The following ENOSF1 variants were observed in gnomAD, a reference collection of about 807,000 sequenced individuals.
The protein encoded by ENOSF1 is enolase superfamily member 1.
A neutral mutation model predicts 68.2 loss-of-function variants in ENOSF1; 73 were observed. The ratio of observed to expected loss-of-function variants is 1.07; its 90% CI spans 0.89 to 1.30. The LOEUF (loss-of-function observed/expected upper bound fraction) is 1.30, where lower values mean the gene tolerates loss of function less well. ENOSF1 is among the 50% of genes most tolerant of loss of function. The pLI is 0.00. For synonymous variants in ENOSF1, 223 were observed against 210.4 expected, an observed-to-expected ratio of 1.06 and a Z score of -0.52; for missense variants, 589 against 554.5, an observed-to-expected ratio of 1.06 and a Z score of -0.62.
At chr18:707,977 A>G (rs1054770976) in intron 1 of ENOSF1, among the ~76,000 whole-genome samples, 1 of 150,788 alleles carries the variant, frequency 6.6e-6, no homozygotes, top group African/African-American at 2.4e-5. Context: ...CTTCTGCCTC[A>G]GCCTCCCAAG....
At chr18:699,478 A>AAATAATAATAATAATAATAAT (rs147506890) in intron 2 of ENOSF1, among the ~76,000 whole-genome samples, 25 of 149,112 alleles carry the variant, frequency 1.7e-4, no homozygotes, top group African/African-American at 6.2e-4. Flanking sequence ...GCCCTGTCTC[A>AAATAATAATAATAATAATAAT]AATAATAATA....
chr18:691,482 A>G (rs1267838952), intron 5 of ENOSF1: 2 of 535,326 alleles, frequency 3.7e-6, no homozygotes, highest in Non-Finnish European at 6.6e-6. Context: ...AGTAGCTGGG[A>G]CTCCAGGTAT....
rs138575804 is a variant in ENOSF1 at position 694,280 on chromosome 18, C to T, written c.364G>A (p.Val122Met). ...HLATAAVLNA[V>M]WDLWAKQEGK... Reference sequence around the variant, plus strand: ...TCCTGCTTGGCCCACAAGTCCCACACCGCGTTTAGGACGGCCGCTGTCGCC... The same window carrying T: ...TCCTGCTTGGCCCACAAGTCCCACATCGCGTTTAGGACGGCCGCTGTCGCC... The change falls in exon 4 of 16, where the codon GTG becomes ATG. Residue 122 changes from valine to methionine, a missense_variant. Transcript: ENST00000647584. The T allele has an allele frequency of 1.9e-5, 31 of 1,614,094 alleles. No homozygotes were observed. In the African/African-American group the frequency reaches 2.8e-4, roughly 15 times the overall value.
chr18:679,818 T>C (rs369204001), intron 11 of ENOSF1, among the ~76,000 whole-genome samples: 2 of 152,152 alleles, frequency 1.3e-5, no homozygotes, highest in African/African-American at 2.4e-5. Flanking sequence ...TCCGCACAGG[T>C]AGCCTTGGTT....
intron 2 of ENOSF1, among the ~76,000 whole-genome samples, chr18:700,384 C>A (rs529868660): frequency 6.6e-6 from 1 of 152,138 alleles, no homozygotes; most frequent in Non-Finnish European, 1.5e-5. Context: ...ACCAAACCAC[C>A]GTCTCAAGGA....
chr18:692,962 C>G (rs2077354012), intron 5 of ENOSF1: 1 of 1,173,540 alleles, frequency 8.5e-7, no homozygotes, highest in Non-Finnish European at 1.1e-6. Context: ...CAACTAATAA[C>G]AAGGGCCTTC....
chr18:684,148 C>T (rs1403799480), intron 10 of ENOSF1, among the ~76,000 whole-genome samples: 3 of 151,872 alleles, frequency 2.0e-5, no homozygotes, highest in Non-Finnish European at 4.4e-5. Flanking sequence ...CGCCCACCAC[C>T]ACACCAGGCT....
At chr18:666,975 AGATGGAGATGGT>A (rs2074842444), downstream of ENOSF1, among the ~76,000 whole-genome samples, 10 of 15,002 alleles carry the variant, frequency 6.7e-4, no homozygotes, top group East Asian at 3.8e-3. Context: ...ATGGTGATGG[AGATGGAGATGGT>A]GATGGTGATG....
chr18:679,947 G>GATT (rs375384961), intron 11 of ENOSF1, among the ~76,000 whole-genome samples: 175 of 152,222 alleles, frequency 1.1e-3, no homozygotes, highest in African/African-American at 4.1e-3. Context: ...ATGATTCCTG[G>GATT]TCTCAATCCA....
In ENOSF1 at chr18:709,571, G is replaced by T. The variant is rs191537767; in HGVS notation, c.84+2933C>A. On this transcript the variant is annotated intron_variant, in intron 1 of 15. Transcript: ENST00000647584. ...GGATCACCTGAGCTCAGGAGTTCGA[G>T]ACCAGCCTGGACAACATGGTGAAAC... 7.7e-4 allele frequency among the ~76,000 whole-genome samples: 117 copies of T among 152,256 alleles called. 1 individual carries two copies. Among genetic ancestry groups the T allele is most frequent in the African/African-American group, 2.7e-3 (113 of 41,552 alleles).
chr18:678,230 A>C (rs2075710208), intron 12 of ENOSF1: 1 of 296,934 alleles, frequency 3.4e-6, no homozygotes, highest in Admixed American at 4.9e-5. Context: ...GACAACACGG[A>C]ACCACGGCAG....
At position 673,468 on chromosome 18, in the gene ENOSF1, T is replaced by G; in HGVS notation, c.*837A>C. On this transcript the variant is annotated 3_prime_UTR_variant, in exon 16 of 16. Transcript: ENST00000647584. ...TTTAAAGTTATAGTTGTTTTATATG[T>G]TGCTATAATAAAGAAGTGTTCTGCA... 1 of 213,766 alleles carries G rather than the reference T, an allele frequency of 4.7e-6. No homozygotes were observed. Among genetic ancestry groups the G allele is most frequent in the Non-Finnish European group, 9.4e-6 (1 of 106,098 alleles). 13.2% of individuals were successfully genotyped at this position (213,766 alleles called of 1,614,324 possible).
intron 8 of ENOSF1, among the ~76,000 whole-genome samples, chr18:690,047 G>T (rs1568070704): frequency 6.6e-6 from 1 of 152,104 alleles, no homozygotes; most frequent in East Asian, 1.9e-4. Flanking sequence ...GGCTCACCTG[G>T]AGGGGACATG....
intron 2 of ENOSF1, among the ~76,000 whole-genome samples, chr18:704,455 A>AAAG (rs1369814333): frequency 1.3e-5 from 2 of 151,148 alleles, no homozygotes; most frequent in African/African-American, 4.9e-5. Context: ...AAAAAAAAAA[A>AAAG]AAGAACAGCC....
At chr18:706,653 A>G (rs2078963550) in intron 1 of ENOSF1, 75 bp from the exon 2 acceptor site, 2 of 1,115,168 alleles carry the variant, frequency 1.8e-6, no homozygotes, top group East Asian at 2.4e-5. Flanking sequence ...ATGATGTCAC[A>G]TGAGGACAGA....
chr18:712,285 G>A, intron 1 of ENOSF1: 3 of 1,529,834 alleles, frequency 2.0e-6, no homozygotes, highest in East Asian at 2.5e-5. Context: ...TGGGTTCGAA[G>A]TCGGGAAGCT....
At chr18:691,355 C>A (rs1450059178) in intron 5 of ENOSF1, 79 bp from the exon 6 acceptor site, 4 of 1,220,090 alleles carry the variant, frequency 3.3e-6, no homozygotes, top group Admixed American at 2.2e-5. Flanking sequence ...ATTTATTATT[C>A]TTTTTTTAGA....
At chr18:691,031 TAGCAA>T in intron 7 of ENOSF1, 32 bp downstream of exon 7, 7 of 1,611,774 alleles carry the variant, frequency 4.3e-6, no homozygotes, top group Non-Finnish European at 5.9e-6. Flanking sequence ...TGGACAATGT[TAGCAA>T]AAACAATGAA....
chr18:708,299 T>C (rs2741188), intron 1 of ENOSF1, among the ~76,000 whole-genome samples: 91,903 of 151,986 alleles, frequency 0.6, 28,139 homozygotes, highest in African/African-American at 0.72. Flanking sequence ...TCGCTGAGCA[T>C]CAAGTACGTG....
Sources: allele counts gnomAD v4.1 joint callset (sites outside exome capture counted in the v4.1 genomes callset), GRCh38; gene constraint gnomAD v4.1.1; transcripts MANE v1.5; gene names NCBI Gene and HGNC (gene_info 2026-07-23, HGNC 2026-07-21).